WDR64: variants seen among roughly 807,000 people sequenced by gnomAD.
WDR64 encodes the protein WD repeat domain 64.
WDR64 carries 112 observed loss-of-function variants against 139.3 expected under a neutral mutation model. That is an observed-to-expected ratio of 0.80 (90% CI 0.69 to 0.94). The LOEUF is 0.94. Among genes scored for constraint, WDR64 ranks in the 40% least tolerant of loss-of-function variants. The probability of loss-of-function intolerance (pLI) is 0.00; values close to 1 mark genes in which losing one functional copy is unlikely to be tolerated. For synonymous variants in WDR64, 444 were observed against 437.7 expected (o/e 1.01, Z -0.18); for missense variants, 1,206 against 1,293.1 (o/e 0.93, Z 1.03).
chr1:241,671,305 CG>C (rs1156286872), intron 3 of WDR64, 129 bp downstream of exon 3: 15 of 647,236 alleles, frequency 2.3e-5, no homozygotes, highest in East Asian at 1.4e-4. Context: ...CACTAGGTGT[CG>C]GGGGTGGTGA....
intron 1 of WDR64, among the ~76,000 whole-genome samples, chr1:241,655,504 C>G (rs551271940): frequency 3.5e-4 from 53 of 152,248 alleles, no homozygotes; most frequent in African/African-American, 1.3e-3. Flanking sequence ...TATTAGCTCA[C>G]CTCTAAAATC....
intron 23 of WDR64, among the ~76,000 whole-genome samples, chr1:241,785,402 T>C (rs1427811899): frequency 6.6e-6 from 1 of 152,040 alleles, no homozygotes; most frequent in East Asian, 1.9e-4. Flanking sequence ...GCAAACAAGC[T>C]CCCTCGGGCC....
At chr1:241,718,930 T>C (rs1269486649) in intron 9 of WDR64, among the ~76,000 whole-genome samples, 1 of 152,118 alleles carries the variant, frequency 6.6e-6, no homozygotes, top group Non-Finnish European at 1.5e-5. Context: ...CATTACCTCA[T>C]TGGAACCTAA....
At chr1:241,781,203 T>C (rs1321398969) in intron 22 of WDR64, among the ~76,000 whole-genome samples, 1 of 152,194 alleles carries the variant, frequency 6.6e-6, no homozygotes, top group African/African-American at 2.4e-5. Context: ...AGAGAAAATC[T>C]TCAAAACAAA....
At chr1:241,776,275 TG>T (rs1228963625) in intron 21 of WDR64, among the ~76,000 whole-genome samples, 1 of 151,910 alleles carries the variant, frequency 6.6e-6, no homozygotes, top group Non-Finnish European at 1.5e-5. Context: ...GATGGGGTTT[TG>T]CTATGTTGGC....
intron 6 of WDR64, among the ~76,000 whole-genome samples, chr1:241,681,979 G>GT (rs977695418): frequency 1.3e-5 from 2 of 151,538 alleles, no homozygotes; most frequent in African/African-American, 4.8e-5. Flanking sequence ...GAGATTGTTT[G>GT]TTTTTTTTCT....
chr1:241,786,604 T>C (rs896847751), intron 23 of WDR64, among the ~76,000 whole-genome samples: 7 of 152,120 alleles, frequency 4.6e-5, no homozygotes, highest in Non-Finnish European at 1.0e-4. Context: ...ATTTGCACAA[T>C]AGTAGCAGCT....
intron 10 of WDR64, among the ~76,000 whole-genome samples, chr1:241,732,117 G>A (rs905328070): frequency 1.3e-5 from 2 of 152,120 alleles, no homozygotes; most frequent in South Asian, 2.1e-4. Flanking sequence ...TCTTGTAGCC[G>A]TTGGGTAAAA....
At chr1:241,717,969 T>C (rs1668466811) in intron 9 of WDR64, among the ~76,000 whole-genome samples, 1 of 152,198 alleles carries the variant, frequency 6.6e-6, no homozygotes, top group Admixed American at 6.6e-5. Context: ...AACTATGATG[T>C]TAACTTCCAT....
At chr1:241,696,800 T>G (rs1667508801) in intron 8 of WDR64, among the ~76,000 whole-genome samples, 2 of 152,176 alleles carry the variant, frequency 1.3e-5, no homozygotes, top group South Asian at 2.1e-4. Context: ...ACCTGTTTTA[T>G]GAGCAAGGTC....
chr1:241,757,464 G>A lies in WDR64; in HGVS notation c.1947+5G>A. ...AACTTTTCTCAACCTACTGATGTAA[G>A]TTTCCTCTCTTGGTTTCTTTTTAAC... is the stretch of plus-strand genomic sequence containing the variant. On this transcript the variant is annotated splice_donor_5th_base_variant and intron_variant, in intron 15 of 27. Coordinates refer to ENST00000437684, the MANE Select transcript of WDR64 (RefSeq NM_001367482.1). 6.3e-7 allele frequency: 1 copy of A among 1,597,754 alleles called. No individual in the cohort carries two copies. The highest frequency in any genetic ancestry group is 2.2e-5 in the East Asian group (1 of 44,492).
chr1:241,672,051 T>C (rs1181657480), intron 3 of WDR64, among the ~76,000 whole-genome samples: 2 of 152,192 alleles, frequency 1.3e-5, no homozygotes, highest in East Asian at 3.9e-4. Context: ...GGTGTGCACC[T>C]GTAGTCCCAG....
intron 8 of WDR64, among the ~76,000 whole-genome samples, chr1:241,689,620 C>T (rs1667137386): frequency 6.6e-6 from 1 of 152,118 alleles, no homozygotes; most frequent in South Asian, 2.1e-4. Context: ...AGAGACAGAA[C>T]AAGCATCAGA....
At chr1:241,737,973 G>A (rs936696052) in intron 10 of WDR64, among the ~76,000 whole-genome samples, 1 of 152,106 alleles carries the variant, frequency 6.6e-6, no homozygotes, top group Non-Finnish European at 1.5e-5. Flanking sequence ...AAGCTTCCAC[G>A]TAAAATATGT....
intron 10 of WDR64, among the ~76,000 whole-genome samples, chr1:241,736,099 G>A (rs1288700292): frequency 6.6e-6 from 1 of 152,036 alleles, no homozygotes; most frequent in Non-Finnish European, 1.5e-5. Flanking sequence ...TTCTGAATTG[G>A]AGGACATGCT....
intron 9 of WDR64, among the ~76,000 whole-genome samples, chr1:241,712,653 T>A (rs1180834043): frequency 6.6e-6 from 1 of 151,930 alleles, no homozygotes; most frequent in Non-Finnish European, 1.5e-5. Context: ...GTAAGTGGAG[T>A]TGATAATAGT....
chr1:241,772,854 G>T lies in WDR64; in HGVS notation c.2353G>T (p.Ala785Ser), dbSNP rs376125686. ...AATGGACAAAAAACACCCTGGAATT[G>T]CCAATTTACCAGAAGCCCAGCCACC... Reference protein sequence around the residue: ...QPMDKKHPGIANLPEAQPPIL... With the variant: ...QPMDKKHPGISNLPEAQPPIL... The change falls in exon 20 of 28, where the codon GCC becomes TCC. Residue 785 changes from alanine to serine, a missense_variant. By Grantham distance (99) the Ala-to-Ser change is moderately conservative (BLOSUM62 1). Transcript: ENST00000437684. The T allele has an allele frequency of 6.4e-7, 1 of 1,552,032 alleles. No homozygotes were observed. The highest frequency in any genetic ancestry group is 2.0e-5 in the Admixed American group (1 of 50,996).
intron 9 of WDR64, among the ~76,000 whole-genome samples, chr1:241,714,800 A>C (rs970615620): frequency 1.3e-5 from 2 of 152,094 alleles, no homozygotes; most frequent in Non-Finnish European, 2.9e-5. Context: ...CCAATCACCA[A>C]CTCTGATTTT....
At chr1:241,782,976 C>T (rs1335903364) in intron 22 of WDR64, among the ~76,000 whole-genome samples, 1 of 152,196 alleles carries the variant, frequency 6.6e-6, no homozygotes, top group African/African-American at 2.4e-5. Flanking sequence ...CTCTAGTCAT[C>T]TGCTAATCAT....
Sources: allele counts gnomAD v4.1 joint callset (sites outside exome capture counted in the v4.1 genomes callset), GRCh38; gene constraint gnomAD v4.1.1; transcripts MANE v1.5; gene names NCBI Gene and HGNC (gene_info 2026-07-23, HGNC 2026-07-21).